The following PAX7 variants were observed in gnomAD, a reference collection of about 807,000 sequenced individuals.
PAX7 encodes the protein paired box protein Pax-7.
Under a neutral mutation model 50.7 loss-of-function variants are expected in PAX7, and 18 were observed. The observed-to-expected ratio is 0.36, with a 90% CI of 0.25 to 0.53. The LOEUF (loss-of-function observed/expected upper bound fraction) is 0.53. Among genes scored for constraint, PAX7 ranks in the 20% least tolerant of loss-of-function variants. The pLI, the probability that PAX7 is intolerant of heterozygous loss-of-function variation, is 0.93. For missense variants in PAX7, 644 were observed against 702.9 expected (o/e 0.92, Z 0.95); for synonymous variants, 310 against 290.4 (o/e 1.07, Z -0.69).
chr1:18,667,236 A>G (rs2088681191), intron 4 of PAX7, among the ~76,000 whole-genome samples: 1 of 152,128 alleles, frequency 6.6e-6, no homozygotes, highest in Non-Finnish European at 1.5e-5. Context: ...AATTGGGGAA[A>G]ATAATAATTG....
chr1:18,631,922 G>A (rs1181086084), intron 1 of PAX7, among the ~76,000 whole-genome samples: 1 of 152,176 alleles, frequency 6.6e-6, no homozygotes, highest in African/African-American at 2.4e-5. Flanking sequence ...GCTAGCTGCC[G>A]GTCTTTACCC....
intron 4 of PAX7, among the ~76,000 whole-genome samples, chr1:18,686,617 G>C (rs971911913): frequency 6.6e-6 from 1 of 152,136 alleles, no homozygotes; most frequent in Non-Finnish European, 1.5e-5. Context: ...ACCTAATCCT[G>C]TTGATTAATT....
At chr1:18,643,773 C>T (rs967491582) in intron 4 of PAX7, among the ~76,000 whole-genome samples, 11 of 152,244 alleles carry the variant, frequency 7.2e-5, no homozygotes, top group African/African-American at 2.7e-4. Flanking sequence ...TACAGCACGT[C>T]CCGGCGGCTC....
At position 18,671,659 on chromosome 1, in the gene PAX7, G is replaced by A. The variant is rs145575986; in HGVS notation, c.587-20095G>A. On this transcript the variant is annotated intron_variant, in intron 4 of 8. Transcript: ENST00000420770. ...CCTGCCTTATATCTTTGGGTTGGTG[G>A]CATAACCAGTACCTCCACTTTCTTC... is the stretch of plus-strand genomic sequence containing the variant. Among the ~76,000 whole-genome samples the A allele has an allele frequency of 2.3e-3, 355 of 152,258 alleles. 3 individuals are homozygous for A. Among genetic ancestry groups the A allele is most frequent in the African/African-American group, 8.3e-3 (343 of 41,546 alleles).
At position 18,631,671 on chromosome 1, in the gene PAX7, C is replaced by T. The variant is rs762651087; in HGVS notation, c.68C>T (p.Thr23Met). 9 of 1,612,712 alleles carry T rather than the reference C, an allele frequency of 5.6e-6. No homozygotes were observed. Among genetic ancestry groups the T allele is most frequent in the African/African-American group, 2.7e-5 (2 of 75,018 alleles). Residue 23 changes from threonine (T) to methionine (M), a missense_variant, in exon 1 of 9, where the codon ACG becomes ATG. Coordinates refer to ENST00000420770, the MANE Select transcript of PAX7 (RefSeq NM_001135254.2). The part of the protein sequence containing the change: ...RPAPGQNYPR[T>M]GFPLEVSTPL... ...GCTCCGGGGCAGAACTACCCCCGCA[C>T]GGGATTCCCTTTGGAAGGTAAGAAC...
At chr1:18,673,510 T>C (rs1283412425) in intron 4 of PAX7, among the ~76,000 whole-genome samples, 1 of 152,236 alleles carries the variant, frequency 6.6e-6, no homozygotes, top group Non-Finnish European at 1.5e-5. Flanking sequence ...GTTGGCCACA[T>C]TTTTGGAAAA....
At chr1:18,717,182 C>A (rs1465969743) in intron 7 of PAX7, among the ~76,000 whole-genome samples, 1 of 152,194 alleles carries the variant, frequency 6.6e-6, no homozygotes, top group African/African-American at 2.4e-5. Context: ...GGCTCGGCGG[C>A]CTGCTTAATT....
chr1:18,673,485 T>C (rs1310857360), intron 4 of PAX7, among the ~76,000 whole-genome samples: 11 of 152,188 alleles, frequency 7.2e-5, no homozygotes. Flanking sequence ...GCTAGTTTAA[T>C]GTAACTAACC....
intron 7 of PAX7, 143 bp downstream of exon 7, chr1:18,703,439 C>A: frequency 2.8e-6 from 2 of 724,404 alleles, no homozygotes; most frequent in Non-Finnish European, 4.7e-6. Context: ...CAGGAATCCT[C>A]CCTGGACTCT....
intron 4 of PAX7, among the ~76,000 whole-genome samples, chr1:18,660,450 A>G (rs2088583673): frequency 6.6e-6 from 1 of 150,490 alleles, no homozygotes; most frequent in African/African-American, 2.4e-5. Flanking sequence ...CCTTCCAGGG[A>G]AACCAAAGTG....
At chr1:18,648,589 C>T (rs2088383293) in intron 4 of PAX7, among the ~76,000 whole-genome samples, 1 of 152,140 alleles carries the variant, frequency 6.6e-6, no homozygotes, top group Admixed American at 6.5e-5. Flanking sequence ...GCGATCCTCC[C>T]ATCTTGGCCT....
chr1:18,689,514 G>T (rs771164007), intron 4 of PAX7, among the ~76,000 whole-genome samples: 15 of 152,190 alleles, frequency 9.9e-5, no homozygotes, highest in Non-Finnish European at 1.9e-4. Flanking sequence ...GATGAAGGCA[G>T]GACTCCCTTG....
intron 7 of PAX7, among the ~76,000 whole-genome samples, chr1:18,725,340 G>A (rs570212309): frequency 2.0e-5 from 3 of 151,014 alleles, no homozygotes; most frequent in Non-Finnish European, 3.0e-5. Context: ...AGGCCAGGGG[G>A]GCCTGAGAGC....
chr1:18,716,083 T>G (rs1006052525), intron 7 of PAX7, among the ~76,000 whole-genome samples: 3 of 151,994 alleles, frequency 2.0e-5, no homozygotes, highest in Non-Finnish European at 4.4e-5. Context: ...CCTGGCCCTT[T>G]CCCCGGCTGT....
intron 4 of PAX7, among the ~76,000 whole-genome samples, chr1:18,647,034 C>T (rs1398844195): frequency 2.7e-5 from 1 of 36,644 alleles, no homozygotes. Flanking sequence ...GGGGGAAGGG[C>T]TGGAGGGGGA....
intron 4 of PAX7, among the ~76,000 whole-genome samples, chr1:18,652,538 C>A (rs1308788125): frequency 6.6e-6 from 1 of 152,148 alleles, no homozygotes; most frequent in African/African-American, 2.4e-5. Flanking sequence ...GGGAGGCCTG[C>A]CACCAGAAGA....
At chr1:18,638,603 C>T (rs1436345271) in intron 4 of PAX7, among the ~76,000 whole-genome samples, 3 of 152,184 alleles carry the variant, frequency 2.0e-5, no homozygotes, top group African/African-American at 7.2e-5. Context: ...TAAGCGCAAG[C>T]ATCTCTTAGT....
At chr1:18,724,488 G>C (rs531581629) in intron 7 of PAX7, among the ~76,000 whole-genome samples, 15 of 152,300 alleles carry the variant, frequency 9.8e-5, no homozygotes, top group Admixed American at 4.6e-4. Context: ...CCGTAACTTC[G>C]AGGGACAGCA....
At chr1:18,664,661 T>C (rs1233253246) in intron 4 of PAX7, among the ~76,000 whole-genome samples, 2 of 152,012 alleles carry the variant, frequency 1.3e-5, no homozygotes, top group African/African-American at 2.4e-5. Context: ...AGTCCCACAG[T>C]AAGTGATGGA....
Sources: allele counts gnomAD v4.1 joint callset (sites outside exome capture counted in the v4.1 genomes callset), GRCh38; gene constraint gnomAD v4.1.1; transcripts MANE v1.5; gene names NCBI Gene and HGNC (gene_info 2026-07-23, HGNC 2026-07-21).